The following CADPS2 variants were observed in gnomAD, a reference collection of about 807,000 sequenced individuals.
CADPS2 encodes calcium-dependent secretion activator 2.
In CADPS2, 93 loss-of-function variants were observed where a neutral mutation model predicts 172.5. The observed-to-expected ratio is 0.54, with a 90% CI of 0.46 to 0.64. The LOEUF (loss-of-function observed/expected upper bound fraction) is 0.64. Ranked by LOEUF, CADPS2 falls within the 30% of genes least tolerant of loss-of-function variation. The probability of loss-of-function intolerance (pLI) is 0.00; values close to 1 mark genes in which losing one functional copy is unlikely to be tolerated. For missense variants in CADPS2, 1,420 were observed against 1,565.9 expected (o/e 0.91, Z 1.57); for synonymous variants, 546 against 555.2 (o/e 0.98, Z 0.23).
At chr7:122,595,608 G>C (rs1223212939) in intron 6 of CADPS2, among the ~76,000 whole-genome samples, 2 of 152,030 alleles carry the variant, frequency 1.3e-5, no homozygotes, top group African/African-American at 4.8e-5. Context: ...ACTTTACAGG[G>C]GGAATGCCAG....
intron 7 of CADPS2, among the ~76,000 whole-genome samples, chr7:122,573,711 A>G (rs1372280217): frequency 6.6e-6 from 1 of 152,194 alleles, no homozygotes; most frequent in African/African-American, 2.4e-5. Context: ...GGAATATATT[A>G]CACAGTAATT....
intron 2 of CADPS2, chr7:122,702,196 C>T (rs760362200): frequency 2.5e-6 from 4 of 1,613,790 alleles, no homozygotes; most frequent in Non-Finnish European, 3.4e-6. Context: ...GGCTCACCCA[C>T]TGCATGTGCA....
chr7:122,790,171 A>G (rs952287402), intron 1 of CADPS2, among the ~76,000 whole-genome samples: 4 of 151,880 alleles, frequency 2.6e-5, no homozygotes, highest in Admixed American at 2.0e-4. Flanking sequence ...CCAAGGCAGG[A>G]GGATTGCTTG....
chr7:122,486,868 T>C (rs1423008615), intron 11 of CADPS2, among the ~76,000 whole-genome samples: 1 of 152,168 alleles, frequency 6.6e-6, no homozygotes, highest in Non-Finnish European at 1.5e-5. Flanking sequence ...GCCATCAATG[T>C]TGAGGCAAGA....
intron 1 of CADPS2, among the ~76,000 whole-genome samples, chr7:122,846,436 A>G (rs911755643): frequency 6.6e-6 from 1 of 152,234 alleles, no homozygotes; most frequent in Non-Finnish European, 1.5e-5. Flanking sequence ...GAATTTGGTT[A>G]GCTACAAAAG....
At chr7:122,602,736 G>C (rs1220823143) in intron 6 of CADPS2, among the ~76,000 whole-genome samples, 1 of 152,030 alleles carries the variant, frequency 6.6e-6, no homozygotes, top group Non-Finnish European at 1.5e-5. Flanking sequence ...TCTTACCACT[G>C]AGGACTTACA....
intron 6 of CADPS2, among the ~76,000 whole-genome samples, chr7:122,603,978 G>T (rs953726454): frequency 6.6e-6 from 1 of 152,038 alleles, no homozygotes; most frequent in Non-Finnish European, 1.5e-5. Context: ...CATGGGGGAT[G>T]ATGGATATAG....
chr7:122,830,416 A>C (rs1806191671), intron 1 of CADPS2, among the ~76,000 whole-genome samples: 1 of 152,076 alleles, frequency 6.6e-6, no homozygotes, highest in Non-Finnish European at 1.5e-5. Flanking sequence ...AAATCAAAGG[A>C]TGCAAATCTC....
chr7:122,540,791 A>G (rs913259015), intron 8 of CADPS2, among the ~76,000 whole-genome samples: 1 of 152,148 alleles, frequency 6.6e-6, no homozygotes, highest in Non-Finnish European at 1.5e-5. Context: ...CATTTCACTC[A>G]TAATACCTAT....
intron 16 of CADPS2, among the ~76,000 whole-genome samples, chr7:122,438,976 T>C (rs1490439871): frequency 6.6e-6 from 1 of 151,908 alleles, no homozygotes; most frequent in Non-Finnish European, 1.5e-5. Context: ...ATTTTAATGA[T>C]TGTGATTTGC....
intron 29 of CADPS2, among the ~76,000 whole-genome samples, chr7:122,323,101 A>T (rs2032954926): frequency 6.6e-6 from 1 of 152,230 alleles, no homozygotes; most frequent in Admixed American, 6.5e-5. Flanking sequence ...GAATCTATGT[A>T]TGAAATTGGC....
rs561859581 is a variant in CADPS2, at chr7:122,496,407, C to A, written c.1543-4987G>T. 5.9e-5 allele frequency among the ~76,000 whole-genome samples: 9 copies of A among 152,298 alleles called. No homozygotes were observed. In the South Asian group the frequency reaches 1.7e-3, roughly 28 times the overall value. On this transcript the variant is annotated intron_variant, in intron 9 of 29. Coordinates refer to ENST00000449022, the MANE Select transcript of CADPS2 (RefSeq NM_017954.11). ...TCAAGTCCTGACTTCCAGTAATCCACCTGCCTTGGCCTCCCAAAATGCTGG... is the reference window on the plus strand; with the variant it reads ...TCAAGTCCTGACTTCCAGTAATCCAACTGCCTTGGCCTCCCAAAATGCTGG...
intron 27 of CADPS2, among the ~76,000 whole-genome samples, chr7:122,359,578 A>G (rs972859316): frequency 6.6e-6 from 1 of 152,168 alleles, no homozygotes; most frequent in African/African-American, 2.4e-5. Context: ...TGTGTGTTAC[A>G]AAGTCCAATG....
intron 7 of CADPS2, among the ~76,000 whole-genome samples, chr7:122,580,022 A>G (rs2068593177): frequency 6.6e-6 from 1 of 152,120 alleles, no homozygotes; most frequent in Non-Finnish European, 1.5e-5. Flanking sequence ...ATACAGAATG[A>G]TCCTAGCATC....
chr7:122,798,722 T>C (rs1249730684), intron 1 of CADPS2, among the ~76,000 whole-genome samples: 1 of 152,132 alleles, frequency 6.6e-6, no homozygotes, highest in Non-Finnish European at 1.5e-5. Context: ...TGTTTTACTA[T>C]AAACTCTACT....
intron 2 of CADPS2, chr7:122,702,467 G>C (rs766696764): frequency 6.2e-7 from 1 of 1,613,532 alleles, no homozygotes; most frequent in African/African-American, 1.3e-5. Flanking sequence ...TGCCTGTTTG[G>C]GCCTGCTGAA....
intron 9 of CADPS2, among the ~76,000 whole-genome samples, chr7:122,509,131 G>T (rs1044144098): frequency 6.6e-6 from 1 of 152,128 alleles, no homozygotes; most frequent in African/African-American, 2.4e-5. Context: ...TTCTTCAGGT[G>T]GTAGTTTCAT....
At chr7:122,685,978 G>A (rs887155569) in intron 2 of CADPS2, among the ~76,000 whole-genome samples, 6 of 152,270 alleles carry the variant, frequency 3.9e-5, no homozygotes, top group Admixed American at 3.3e-4. Context: ...GCTAAACTAA[G>A]TATCCCACCA....
chr7:122,744,792 C>T (rs188967120), intron 1 of CADPS2, among the ~76,000 whole-genome samples: 2 of 152,276 alleles, frequency 1.3e-5, no homozygotes, highest in South Asian at 2.1e-4. Flanking sequence ...CGCCTACCCA[C>T]ATTCTCATTG....
Sources: allele counts gnomAD v4.1 joint callset (sites outside exome capture counted in the v4.1 genomes callset), GRCh38; gene constraint gnomAD v4.1.1; transcripts MANE v1.5; gene names NCBI Gene and HGNC (gene_info 2026-07-23, HGNC 2026-07-21).